Variants in NEDD9 observed in about 807,000 individuals in gnomAD.
NEDD9 encodes the protein neural precursor cell expressed, developmentally down-regulated 9.
In NEDD9, 26 loss-of-function variants were observed where a neutral mutation model predicts 76.6. That is an observed-to-expected ratio of 0.34 (90% confidence interval 0.25 to 0.47). The LOEUF (loss-of-function observed/expected upper bound fraction) is 0.47, where lower values mean the gene tolerates loss of function less well. NEDD9 is among the 20% of genes least tolerant of loss of function. The pLI, the probability that NEDD9 is intolerant of heterozygous loss-of-function variation, is 1.00. For synonymous variants in NEDD9, 392 were observed against 414.2 expected, an observed-to-expected ratio of 0.95 and a Z score of 0.65; for missense variants, 937 against 1,058.5, an observed-to-expected ratio of 0.89 and a Z score of 1.59.
intron 3 of NEDD9, among the ~76,000 whole-genome samples, chr6:11,302,849 A>T (rs994373287): frequency 6.6e-6 from 1 of 152,238 alleles, no homozygotes; most frequent in African/African-American, 2.4e-5. Context: ...TAAAATAGGT[A>T]TTGGTGGAAC....
At chr6:11,218,006 G>C (rs77504645) in intron 1 of NEDD9, among the ~76,000 whole-genome samples, 5,288 of 152,246 alleles carry the variant, frequency 0.035, 282 homozygotes, top group African/African-American at 0.12. Context: ...AAGTGATCAT[G>C]TTCCAAAGAG....
intron 1 of NEDD9, among the ~76,000 whole-genome samples, chr6:11,354,037 C>T (rs932836713): frequency 6.6e-6 from 1 of 152,202 alleles, no homozygotes. Context: ...AAAAATTAGC[C>T]ACAAGGTATA....
At chr6:11,205,760 C>T (rs539570849) in intron 2 of NEDD9, among the ~76,000 whole-genome samples, 132 of 152,094 alleles carry the variant, frequency 8.7e-4, no homozygotes, top group African/African-American at 3.1e-3. Context: ...CGAAGTAACT[C>T]GGATTAACAG....
At chr6:11,192,250 G>T (rs550757845) in intron 4 of NEDD9, 95 bp downstream of exon 4, 36 of 665,312 alleles carry the variant, frequency 5.4e-5, no homozygotes, top group East Asian at 1.7e-4. Flanking sequence ...TGTTTTATTC[G>T]AGTGAACTAC....
chr6:11,361,270 G>T (rs1297865535), intron 1 of NEDD9, among the ~76,000 whole-genome samples: 30 of 152,152 alleles, frequency 2.0e-4, no homozygotes, highest in Admixed American at 1.9e-3. Flanking sequence ...CTGTATTAGG[G>T]CATTCTTGCA....
chr6:11,232,446 C>G, intron 1 of NEDD9, 58 bp downstream of exon 1: 1 of 1,607,880 alleles, frequency 6.2e-7, no homozygotes, highest in Non-Finnish European at 8.5e-7. Flanking sequence ...TACACAAGCA[C>G]ACACCCGCAG....
chr6:11,196,676 G>C (rs1758301912), intron 2 of NEDD9, among the ~76,000 whole-genome samples: 1 of 151,996 alleles, frequency 6.6e-6, no homozygotes, highest in Non-Finnish European at 1.5e-5. Flanking sequence ...GGGGGGAAAC[G>C]CCAACCGAAT....
At chr6:11,189,029 C>T (rs9468568) in intron 5 of NEDD9, among the ~76,000 whole-genome samples, 2,511 of 151,620 alleles carry the variant, frequency 0.017, 77 homozygotes, top group African/African-American at 0.056. Flanking sequence ...TCACTGCAAC[C>T]TCCGCCTCCC....
chr6:11,323,790 G>A (rs548367025), intron 2 of NEDD9, among the ~76,000 whole-genome samples: 3 of 152,192 alleles, frequency 2.0e-5, no homozygotes, highest in Non-Finnish European at 4.4e-5. Flanking sequence ...GTTGCACAAG[G>A]TCCTGGCGTC....
chr6:11,246,535 A>G (rs1759815778), intron 3 of NEDD9, among the ~76,000 whole-genome samples: 1 of 152,038 alleles, frequency 6.6e-6, no homozygotes, highest in Non-Finnish European at 1.5e-5. Context: ...ATTTTTGCTG[A>G]AGCCTCCCTG....
intron 3 of NEDD9, among the ~76,000 whole-genome samples, chr6:11,275,565 C>CACACACACACATATATATATAT (rs551632582): frequency 5.1e-4 from 77 of 150,284 alleles, no homozygotes; most frequent in African/African-American, 1.8e-3. Flanking sequence ...CACACACACA[C>CACACACACACATATATATATAT]ATATATATAT....
At chr6:11,358,784 G>T (rs1174963615) in intron 1 of NEDD9, among the ~76,000 whole-genome samples, 2 of 152,188 alleles carry the variant, frequency 1.3e-5, no homozygotes, top group Non-Finnish European at 2.9e-5. Flanking sequence ...TGAATGGTGG[G>T]TGGCGGAGTG....
At chr6:11,194,159 G>C (rs1758233443) in intron 2 of NEDD9, among the ~76,000 whole-genome samples, 1 of 151,862 alleles carries the variant, frequency 6.6e-6, no homozygotes, top group African/African-American at 2.4e-5. Context: ...TCTGGCCCAG[G>C]TTAGTAAACT....
chr6:11,230,021 G>C (rs1051967802), intron 1 of NEDD9, among the ~76,000 whole-genome samples: 8 of 152,204 alleles, frequency 5.3e-5, no homozygotes, highest in African/African-American at 1.9e-4. Flanking sequence ...TTTAAGGTTT[G>C]TGCTAAATTT....
At chr6:11,187,544 A>G (rs1479261095) in intron 6 of NEDD9, among the ~76,000 whole-genome samples, 3 of 152,076 alleles carry the variant, frequency 2.0e-5, no homozygotes, top group Non-Finnish European at 2.9e-5. Flanking sequence ...AGGTAGAGAC[A>G]GAAAGAGAGA....
intron 2 of NEDD9, among the ~76,000 whole-genome samples, chr6:11,211,641 G>A (rs556584613): frequency 1.3e-5 from 2 of 152,298 alleles, no homozygotes; most frequent in South Asian, 4.1e-4. Context: ...CTAGGACAAG[G>A]AAGACTGAAA....
chr6:11,244,583 T>G (rs200712925), intron 3 of NEDD9, among the ~76,000 whole-genome samples: 1 of 152,180 alleles, frequency 6.6e-6, no homozygotes, highest in East Asian at 1.9e-4. Context: ...CAGGCCTGAT[T>G]GGTCATAGAA....
At chr6:11,291,490 G>C (rs1226619877) in intron 3 of NEDD9, among the ~76,000 whole-genome samples, 4 of 152,056 alleles carry the variant, frequency 2.6e-5, no homozygotes, top group Admixed American at 2.6e-4. Context: ...TAGCCAGGAT[G>C]GTCTTGATCT....
intron 2 of NEDD9, among the ~76,000 whole-genome samples, chr6:11,313,887 T>C (rs555731714): frequency 6.6e-6 from 1 of 152,308 alleles, no homozygotes; most frequent in East Asian, 1.9e-4. Context: ...CTGGATTAGG[T>C]GACATTTCAG....
Sources: gnomAD v4.1 joint callset for allele counts (sites outside exome capture counted in the v4.1 genomes callset) on GRCh38, gnomAD v4.1.1 for gene constraint, MANE v1.5 for transcripts, NCBI Gene and HGNC (gene_info 2026-07-23, HGNC 2026-07-21) for gene names.